WDFY3: variants seen among roughly 807,000 people sequenced by gnomAD.
The protein encoded by WDFY3 is WD repeat and FYVE domain-containing protein 3.
Under a neutral mutation model 409.6 loss-of-function variants are expected in WDFY3, and 66 were observed. The observed-to-expected ratio is 0.16, with a 90% CI of 0.13 to 0.20. The LOEUF (loss-of-function observed/expected upper bound fraction) is 0.20. WDFY3 is among the 10% of genes least tolerant of loss of function. The pLI, the probability that WDFY3 is intolerant of heterozygous loss-of-function variation, is 1.00. For missense variants in WDFY3, 3,031 were observed against 4,298.1 expected (o/e 0.71, Z 8.24); for synonymous variants, 1,521 against 1,537.1 (o/e 0.99, Z 0.25).
Position 84,850,023 on chromosome 4 carries a change from A to C in WDFY3, c.183T>G (p.Val61=), listed in dbSNP as rs756693391. The C allele has an allele frequency of 6.9e-6, 11 of 1,584,306 alleles. No individual in the cohort carries two copies. The South Asian group carries it at 1.1e-4, about 15-fold the overall frequency. The change falls in exon 5 of 68, where the codon GTT becomes GTG. Residue 61 remains valine, a splice_region_variant and synonymous_variant. Transcript: ENST00000295888. The part of the protein sequence containing the change: ...LYMMLPVFNR[V]FGNAPPNTMT... ...TTGTATTCGGCGGAGCATTTCCAAA[A>C]ACCTGTAGATAAGAAAAGACATTGT... is the stretch of plus-strand genomic sequence containing the variant.
chr4:84,810,405 C>T, intron 13 of WDFY3, 61 bp from the exon 14 acceptor site: 2 of 1,137,964 alleles, frequency 1.8e-6, no homozygotes, highest in Non-Finnish European at 2.4e-6. Flanking sequence ...AAAAAAAAAC[C>T]ACTATGCATG....
At chr4:84,951,261 G>A (rs4627854) in intron 1 of WDFY3, among the ~76,000 whole-genome samples, 12,271 of 152,066 alleles carry the variant, frequency 0.081, 674 homozygotes, top group South Asian at 0.19. Context: ...TATTTTCTTC[G>A]TTTGTTTTTA....
intron 15 of WDFY3, among the ~76,000 whole-genome samples, chr4:84,807,993 T>C (rs2149708046): frequency 6.6e-6 from 1 of 152,036 alleles, no homozygotes; most frequent in South Asian, 2.1e-4. Flanking sequence ...AGTGGAAAAG[T>C]ATTCTACTTA....
chr4:84,733,496 C>G lies in WDFY3; in HGVS notation c.7107G>C (p.Trp2369Cys), dbSNP rs781636838. The part of the protein sequence containing the change: ...GPPIGSHLDK[W>C]MLEMTEGPCR... ...AGGGCCCTTCTGTCATCTCCAGCAT[C>G]CACTTGTCGAGGTGGGAGCCGATGG... Residue 2369 changes from tryptophan (W) to cysteine (C), a missense_variant, in exon 44 of 68, where the codon TGG (tryptophan) becomes TGC (cysteine). Trp to Cys is a radical substitution (Grantham distance 215). Around this residue, in one of 16 missense-constraint regions of WDFY3, gnomAD observed 98 missense variants for 194.9 expected, o/e 0.50. Transcript: ENST00000295888. 6.2e-7 allele frequency: 1 copy of G among 1,614,150 alleles called. No homozygotes were observed. Among genetic ancestry groups the G allele is most frequent in the Non-Finnish European group, 8.5e-7 (1 of 1,180,020 alleles).
In WDFY3 at chr4:84,808,376, G is replaced by C. The variant is rs1234989680; in HGVS notation, c.2387C>G (p.Ser796Cys). 1 of 1,613,914 alleles carries C rather than the reference G, an allele frequency of 6.2e-7. No individual in the cohort carries two copies. Among genetic ancestry groups the C allele is most frequent in the Non-Finnish European group, 8.5e-7 (1 of 1,179,846 alleles). The stretch of plus-strand genomic sequence containing the variant: ...TGGTGTACCCCAAGGAGAGGGGAGA[G>C]AAGACTCACTTGTCAGGCAAGGAGG... ...QIPPCLTSES[S>C]LPSPWGTPAL... The change falls in exon 15 of 68, where the codon TCT (serine) becomes TGT (cysteine). Residue 796 changes from serine (S) to cysteine (C), a missense_variant. Transcript: ENST00000295888.
intron 1 of WDFY3, among the ~76,000 whole-genome samples, chr4:84,937,116 A>G (rs1313940757): frequency 6.6e-6 from 1 of 152,122 alleles, no homozygotes; most frequent in Non-Finnish European, 1.5e-5. Context: ...GTCTACAATT[A>G]TACTTCCATT....
At chr4:84,714,749 G>A (rs920817181) in intron 50 of WDFY3, among the ~76,000 whole-genome samples, 4 of 152,060 alleles carry the variant, frequency 2.6e-5, no homozygotes, top group Non-Finnish European at 5.9e-5. Flanking sequence ...AAGAGATCGA[G>A]ACCATCCTGG....
At chr4:84,794,226 T>A (rs140300583) in intron 21 of WDFY3, among the ~76,000 whole-genome samples, 1 of 152,306 alleles carries the variant, frequency 6.6e-6, no homozygotes, top group Admixed American at 6.5e-5. Context: ...CCAATGATAA[T>A]CCTTACCAAA....
At chr4:84,927,488 C>A (rs898767200) in intron 2 of WDFY3, among the ~76,000 whole-genome samples, 1 of 152,134 alleles carries the variant, frequency 6.6e-6, no homozygotes, top group Non-Finnish European at 1.5e-5. Context: ...TTTGGAGTAT[C>A]AACATGACTG....
At chr4:84,806,272 C>G (rs1005405388) in intron 15 of WDFY3, among the ~76,000 whole-genome samples, 1 of 152,060 alleles carries the variant, frequency 6.6e-6, no homozygotes, top group Non-Finnish European at 1.5e-5. Context: ...TGATTCTTAC[C>G]ATTGAGCAAA....
Position 84,737,371 on chromosome 4 carries a change from TAAACAAAC to T in WDFY3, c.6575-13_6575-6del, listed in dbSNP as rs150542176. 49 of 1,547,620 alleles carry T rather than the reference TAAACAAAC, an allele frequency of 3.2e-5. No individual in the cohort carries two copies. Among genetic ancestry groups the T allele is most frequent in the East Asian group, 2.7e-4 (12 of 43,722 alleles). ...CTTTTATGAGAAGCTGACGCCCTAG[TAAACAAAC>T]AAACAAACAAACAAAAAAGTAAGCA... On this transcript the variant is annotated splice_region_variant and splice_polypyrimidine_tract_variant and intron_variant, in intron 40 of 67. Coordinates refer to ENST00000295888, the MANE Select transcript of WDFY3 (RefSeq NM_014991.6).
At chr4:84,786,193 T>C (rs1016866863) in intron 23 of WDFY3, 54 bp from the exon 24 acceptor site, 1 of 1,506,236 alleles carries the variant, frequency 6.6e-7, no homozygotes, top group Admixed American at 2.4e-5. Context: ...CATCTTAAAG[T>C]AAGTTTTTTA....
chr4:84,672,134 G>A lies in WDFY3; in HGVS notation c.*734C>T, dbSNP rs763147156. 2 of 152,146 alleles carry A rather than the reference G, an allele frequency of 1.3e-5. No individual in the cohort carries two copies. Among genetic ancestry groups the A allele is most frequent in the East Asian group, 1.9e-4 (1 of 5,202 alleles). The allele number at this position is 152,146 out of a possible 1,614,324, so 9.4% of individuals were successfully genotyped here. A position where few individuals can be genotyped will look rare whatever the true frequency, so the allele number is the denominator to read the frequency against. On this transcript the variant is annotated 3_prime_UTR_variant, in exon 68 of 68. Transcript: ENST00000295888. Reference sequence around the variant, plus strand: ...CCCAAATATTTCCAGTTTATCTTACGGCTGGACTCCTATTCTCCCACACTG... The same window carrying A: ...CCCAAATATTTCCAGTTTATCTTACAGCTGGACTCCTATTCTCCCACACTG...
At chr4:84,955,721 A>C (rs1774159993) in intron 1 of WDFY3, among the ~76,000 whole-genome samples, 2 of 152,368 alleles carry the variant, frequency 1.3e-5, no homozygotes. Context: ...AAGGTAATGC[A>C]TATTTAATAA....
At chr4:84,799,765 A>G (rs1035695345) in intron 17 of WDFY3, among the ~76,000 whole-genome samples, 1 of 152,220 alleles carries the variant, frequency 6.6e-6, no homozygotes, top group African/African-American at 2.4e-5. Context: ...TAGGTTTGCC[A>G]GTTTTTCATG....
At chr4:84,798,991 T>C (rs1007994667) in intron 17 of WDFY3, among the ~76,000 whole-genome samples, 1 of 152,170 alleles carries the variant, frequency 6.6e-6, no homozygotes, top group Admixed American at 6.5e-5. Context: ...CCCGCAATCA[T>C]AAATTCTACT....
chr4:84,696,355 TA>T (rs1730141902), intron 57 of WDFY3, among the ~76,000 whole-genome samples, 173 bp from the exon 58 acceptor site: 1 of 152,216 alleles, frequency 6.6e-6, no homozygotes. Context: ...TTACCTGCAG[TA>T]AACCATGGTT....
chr4:84,748,213 A>G (rs1739845930), intron 36 of WDFY3, among the ~76,000 whole-genome samples: 1 of 152,222 alleles, frequency 6.6e-6, no homozygotes, highest in South Asian at 2.1e-4. Flanking sequence ...GTAGAAGCCA[A>G]CACAGGCCAC....
At chr4:84,728,305 G>T (rs1163644616) in intron 44 of WDFY3, among the ~76,000 whole-genome samples, 1 of 152,122 alleles carries the variant, frequency 6.6e-6, no homozygotes, top group Admixed American at 6.6e-5. Context: ...GAGGTGGGTG[G>T]ATTGCTTGAG....
Sources: gnomAD v4.1 joint callset for allele counts (sites outside exome capture counted in the v4.1 genomes callset) on GRCh38, gnomAD v4.1.1 for gene constraint, gnomAD v4.1.1 regional missense constraint, MANE v1.5 for transcripts, NCBI Gene and HGNC (gene_info 2026-07-23, HGNC 2026-07-21) for gene names.